The following ANKRD31 variants were observed in gnomAD, a reference collection of about 807,000 sequenced individuals.
The protein encoded by ANKRD31 is ankyrin repeat domain-containing protein 31.
ANKRD31 carries 147 observed loss-of-function variants against 186.0 expected under a neutral mutation model. The observed-to-expected ratio is 0.79, with a 90% CI of 0.69 to 0.91. ANKRD31 has a LOEUF of 0.91. Ranked by LOEUF, ANKRD31 falls within the 40% of genes least tolerant of loss-of-function variation. The probability of loss-of-function intolerance (pLI) is 0.00; values close to 1 mark genes in which losing one functional copy is unlikely to be tolerated. For missense variants in ANKRD31, 1,986 were observed against 2,148.8 expected (o/e 0.92, Z 1.50); for synonymous variants, 673 against 736.4 (o/e 0.91, Z 1.39).
At chr5:75,073,790 T>C (rs1744418731) in intron 25 of ANKRD31, among the ~76,000 whole-genome samples, 1 of 152,224 alleles carries the variant, frequency 6.6e-6, no homozygotes, top group Non-Finnish European at 1.5e-5. Flanking sequence ...GAGATAAACC[T>C]GGTCTCTCTC....
intron 11 of ANKRD31, among the ~76,000 whole-genome samples, chr5:75,165,580 C>T (rs1229955009): frequency 6.6e-6 from 1 of 152,016 alleles, no homozygotes; most frequent in Non-Finnish European, 1.5e-5. Flanking sequence ...ACTGAAAACG[C>T]CTAAAAGCAA....
At chr5:75,216,254 A>C in intron 3 of ANKRD31, among the ~76,000 whole-genome samples, 1 of 152,182 alleles carries the variant, frequency 6.6e-6, no homozygotes, top group Non-Finnish European at 1.5e-5. Flanking sequence ...AGCTGACTGA[A>C]TATTAGAAAT....
At chr5:75,165,720 A>C (rs535923071) in intron 11 of ANKRD31, among the ~76,000 whole-genome samples, 1 of 152,324 alleles carries the variant, frequency 6.6e-6, no homozygotes, top group East Asian at 1.9e-4. Context: ...AGATAAAATG[A>C]GCCAAAACCA....
At chr5:75,217,898 C>A (rs556698510) in intron 3 of ANKRD31, among the ~76,000 whole-genome samples, 2 of 152,220 alleles carry the variant, frequency 1.3e-5, no homozygotes, top group South Asian at 4.1e-4. Context: ...TGGTAACAAT[C>A]TTTCCTTTCC....
chr5:75,147,233 T>C lies in ANKRD31; in HGVS notation c.2178A>G (p.Lys726=). ...NVKDPNTNVP[K]GIGRRKTQHK... ...GTTGTGTTTTTCTTCTTCCTATACC[T>C]TTTGGTACGTTTGTGTTGGGATCTT... is the stretch of plus-strand genomic sequence containing the variant. The change falls in exon 14 of 26, where the codon AAA becomes AAG. Residue 726 remains lysine (K), a synonymous_variant. Transcript: ENST00000506364. 1 of 1,536,212 alleles carries C rather than the reference T, an allele frequency of 6.5e-7. No individual in the cohort carries two copies. Among genetic ancestry groups the C allele is most frequent in the South Asian group, 1.2e-5 (1 of 84,024 alleles).
Position 75,146,517 on chromosome 5 carries a change from G to C in ANKRD31, c.2894C>G (p.Thr965Arg), listed in dbSNP as rs1751449337. ...ENELKAVSLT[T>R]LPEQEAVNFS... ...ATTAACAGCTTCCTGTTCTGGAAGTGTGGTTAGGCTGACTGCTTTTAACTC... is the reference window on the plus strand; with the variant it reads ...ATTAACAGCTTCCTGTTCTGGAAGTCTGGTTAGGCTGACTGCTTTTAACTC... Residue 965 changes from threonine to arginine, a missense_variant, in exon 14 of 26, where the codon ACA becomes AGA. Transcript: ENST00000506364. 2 of 1,536,558 alleles carry C rather than the reference G, an allele frequency of 1.3e-6. No individual in the cohort carries two copies. Among genetic ancestry groups the C allele is most frequent in the East Asian group, 4.9e-5 (2 of 40,882 alleles).
At chr5:75,110,526 A>G (rs1488211326) in intron 20 of ANKRD31, among the ~76,000 whole-genome samples, 1 of 151,958 alleles carries the variant, frequency 6.6e-6, no homozygotes, top group Non-Finnish European at 1.5e-5. Context: ...CCTGACCAAC[A>G]TGGTGAAACC....
intron 24 of ANKRD31, among the ~76,000 whole-genome samples, chr5:75,082,945 G>A (rs1745198654): frequency 6.6e-6 from 1 of 152,200 alleles, no homozygotes; most frequent in Non-Finnish European, 1.5e-5. Context: ...ATGGAAAACA[G>A]ATTCGCTGTG....
rs2150251630 is a variant in ANKRD31, at chr5:75,196,116, C to T, written c.532G>A (p.Glu178Lys). ...TTCTCTGGCTCTACTAATGATGTCT[C>T]CTTTACAGCAACTGTATCAGATACT... ...ITVSDTVAVK[E>K]TSLVEPEKIL... is the part of the protein sequence containing the mutation. Residue 178 changes from glutamate to lysine, a missense_variant, in exon 7 of 26, where the codon GAG becomes AAG. By Grantham distance (56) the Glu-to-Lys change is moderately conservative. Transcript: ENST00000506364. The T allele has an allele frequency of 1.3e-6, 2 of 1,535,660 alleles. No individual in the cohort carries two copies. The highest frequency in any genetic ancestry group is 1.7e-6 in the Non-Finnish European group (2 of 1,146,370).
At chr5:75,078,732 C>T (rs1744854234) in intron 25 of ANKRD31, among the ~76,000 whole-genome samples, 1 of 152,214 alleles carries the variant, frequency 6.6e-6, no homozygotes, top group African/African-American at 2.4e-5. Flanking sequence ...TATGTCAATA[C>T]ATCCATACCT....
chr5:75,104,640 C>T lies in ANKRD31; in HGVS notation c.4919G>A (p.Gly1640Asp). Residue 1640 changes from glycine to aspartate, a missense_variant, in exon 22 of 26, where the codon GGC (glycine) becomes GAC (aspartate). By Grantham distance (94) the Gly-to-Asp change is moderately conservative. Transcript: ENST00000506364. ...TGCAGTTTCTGAAATATTTAATTTG[C>T]CGATTACTGGGGAAGAAACATAGAA... Reference protein sequence around the residue: ...HEFYVSSPVIGKLNISETASV... With the variant: ...HEFYVSSPVIDKLNISETASV... 1 of 1,536,086 alleles carries T rather than the reference C, an allele frequency of 6.5e-7. No individual in the cohort carries two copies. The highest frequency in any genetic ancestry group is 1.7e-4 in the Middle Eastern group (1 of 5,984).
chr5:75,120,410 C>T (rs114956300), intron 17 of ANKRD31, among the ~76,000 whole-genome samples: 212 of 152,064 alleles, frequency 1.4e-3, no homozygotes, highest in African/African-American at 4.8e-3. Flanking sequence ...TAGTGAAAAA[C>T]AATGATCCCA....
At chr5:75,214,925 C>T (rs1756872240) in intron 3 of ANKRD31, among the ~76,000 whole-genome samples, 1 of 152,140 alleles carries the variant, frequency 6.6e-6, no homozygotes, top group Non-Finnish European at 1.5e-5. Context: ...GAAACAGAAC[C>T]AATGGGATGT....
intron 5 of ANKRD31, among the ~76,000 whole-genome samples, chr5:75,206,087 C>T (rs895098207): frequency 6.7e-6 from 1 of 150,336 alleles, no homozygotes; most frequent in African/African-American, 2.4e-5. Flanking sequence ...TATTTATAAA[C>T]ATATAGTAAG....
intron 23 of ANKRD31, among the ~76,000 whole-genome samples, chr5:75,089,894 T>C (rs1217734287): frequency 6.6e-6 from 1 of 151,990 alleles, no homozygotes; most frequent in Non-Finnish European, 1.5e-5. Context: ...TAGTACAGAG[T>C]AAGGGCCAAA....
chr5:75,094,455 TATGAATCTGAAGCTGATTCTG>T (rs923295088), intron 22 of ANKRD31, among the ~76,000 whole-genome samples: 9 of 152,164 alleles, frequency 5.9e-5, no homozygotes, highest in Non-Finnish European at 1.2e-4. Flanking sequence ...ATTAAGTTAG[TATGAATCTGAAGCTGATTCTG>T]ATAAGTGAAA....
chr5:75,135,572 G>A (rs367561550), intron 17 of ANKRD31, among the ~76,000 whole-genome samples: 2,051 of 152,152 alleles, frequency 0.013, 21 homozygotes, highest in South Asian at 0.047. Context: ...AATCAATATC[G>A]TGAAAATGGC....
At chr5:75,147,683 G>T (rs1317211217) in intron 13 of ANKRD31, among the ~76,000 whole-genome samples, 178 bp from the exon 14 acceptor site, 2 of 151,796 alleles carry the variant, frequency 1.3e-5, no homozygotes, top group Non-Finnish European at 2.9e-5. Flanking sequence ...CAGACTAATA[G>T]AAGAAAGGCA....
At chr5:75,090,768 C>A (rs1470854550) in intron 23 of ANKRD31, among the ~76,000 whole-genome samples, 3 of 152,194 alleles carry the variant, frequency 2.0e-5, no homozygotes, top group Admixed American at 1.3e-4. Flanking sequence ...GCTAGCAATT[C>A]ATGGATAAGG....
Sources: allele counts gnomAD v4.1 joint callset (sites outside exome capture counted in the v4.1 genomes callset), GRCh38; gene constraint gnomAD v4.1.1; transcripts MANE v1.5; gene names NCBI Gene and HGNC (gene_info 2026-07-23, HGNC 2026-07-21).